PHAF1: variants seen among roughly 807,000 people sequenced by gnomAD.
The protein encoded by PHAF1 is phagosome assembly factor 1.
Under a neutral mutation model 63.1 loss-of-function variants are expected in PHAF1, and 23 were observed. The observed-to-expected ratio is 0.36, with a 90% CI of 0.26 to 0.52. The LOEUF (loss-of-function observed/expected upper bound fraction) is 0.52, where lower values mean the gene tolerates loss of function less well. Among genes scored for constraint, PHAF1 ranks in the 20% least tolerant of loss-of-function variants. The pLI, the probability that PHAF1 is intolerant of heterozygous loss-of-function variation, is 0.93. For synonymous variants in PHAF1, 167 were observed against 185.0 expected (o/e 0.90, Z 0.79); for missense variants, 427 against 517.2 (o/e 0.83, Z 1.69).
Position 67,140,520 on chromosome 16 carries a change from C to G in PHAF1, c.805C>G (p.His269Asp). 6.3e-7 allele frequency: 1 copy of G among 1,586,576 alleles called. No individual in the cohort carries two copies. Among genetic ancestry groups the G allele is most frequent in the African/African-American group, 1.3e-5 (1 of 74,434 alleles). ...FYKSEDKMKI[H>D]SPSPHKQVPS... ...TATTTTTTCCCTACAGATGAAAATT[C>G]ATTCTCCTTCCCCTCATAAACAAGT... The change falls in exon 10 of 16, where the codon CAT becomes GAT. Residue 269 changes from histidine (H) to aspartate (D), a missense_variant. Physicochemically the swap from His to Asp is moderately conservative, Grantham distance 81. Coordinates refer to ENST00000219139, the MANE Select transcript of PHAF1 (RefSeq NM_025187.5).
Position 67,146,649 on chromosome 16 carries a change from C to G in PHAF1, c.1182+299C>G, listed in dbSNP as rs560546132. On this transcript the variant is annotated intron_variant, in intron 15 of 15. Coordinates refer to ENST00000219139, the MANE Select transcript of PHAF1 (RefSeq NM_025187.5). ...ACATGATTATAGCAGGGAAGGGAACCACAGGGCAAGTGGGGCCCAGCAGAG... is the reference window on the plus strand; with the variant it reads ...ACATGATTATAGCAGGGAAGGGAACGACAGGGCAAGTGGGGCCCAGCAGAG... 2.0e-5 allele frequency among the ~76,000 whole-genome samples: 3 copies of G among 152,304 alleles called. No homozygotes were observed. In the South Asian group the frequency reaches 6.2e-4, roughly 32 times the overall value.
intron 1 of PHAF1, among the ~76,000 whole-genome samples, chr16:67,117,086 G>T (rs894895361): frequency 2.0e-5 from 3 of 151,614 alleles, no homozygotes; most frequent in Admixed American, 2.0e-4. Context: ...AAGTTGGAGC[G>T]CAGTGGCACG....
chr16:67,129,752 T>G (rs1963320358), intron 3 of PHAF1, among the ~76,000 whole-genome samples: 1 of 152,242 alleles, frequency 6.6e-6, no homozygotes, highest in South Asian at 2.1e-4. Context: ...ATGGAGGACT[T>G]CATAGTGCTT....
At chr16:67,139,247 T>C (rs1311096583) in intron 8 of PHAF1, among the ~76,000 whole-genome samples, 1 of 151,656 alleles carries the variant, frequency 6.6e-6, no homozygotes, top group East Asian at 1.9e-4. Context: ...ACATAAATCC[T>C]TGCATCTTAC....
chr16:67,125,394 G>T (rs965198700), intron 2 of PHAF1, among the ~76,000 whole-genome samples: 2 of 152,010 alleles, frequency 1.3e-5, no homozygotes, highest in African/African-American at 4.8e-5. Flanking sequence ...AGGATAAGAG[G>T]GTCATCTCAT....
At chr16:67,122,827 C>T (rs543369685) in intron 2 of PHAF1, among the ~76,000 whole-genome samples, 1 of 152,170 alleles carries the variant, frequency 6.6e-6, no homozygotes, top group Non-Finnish European at 1.5e-5. Context: ...CTCCCAGGCT[C>T]AACCGATTCT....
Position 67,134,243 on chromosome 16 carries a change from G to A in PHAF1, c.526G>A (p.Gly176Ser), listed in dbSNP as rs1963526473. 6.2e-7 allele frequency: 1 copy of A among 1,613,930 alleles called. No homozygotes were observed. Among genetic ancestry groups the A allele is most frequent in the Non-Finnish European group, 8.5e-7 (1 of 1,179,820 alleles). Residue 176 changes from glycine (G) to serine (S), a missense_variant, in exon 7 of 16, where the codon GGC (glycine) becomes AGC (serine). Physicochemically the swap from Gly to Ser is moderately conservative, Grantham distance 56. Coordinates refer to ENST00000219139, the MANE Select transcript of PHAF1 (RefSeq NM_025187.5). ...ATVKRMYIYS[G>S]NSLQDTKAPM... ...TGTAAAACGAATGTACATCTACAGT[G>A]GCAACAGCCTGCAGGATACCAAGTA...
chr16:67,127,249 T>G (rs867277599), intron 3 of PHAF1, among the ~76,000 whole-genome samples: 1 of 152,100 alleles, frequency 6.6e-6, no homozygotes, highest in African/African-American at 2.4e-5. Flanking sequence ...TGCCTCAAAG[T>G]CATGAGGTTG....
At chr16:67,117,310 A>G (rs150639787) in intron 1 of PHAF1, among the ~76,000 whole-genome samples, 3,473 of 148,170 alleles carry the variant, frequency 0.023, 50 homozygotes, top group Admixed American at 0.032. Flanking sequence ...CGGCCTCCCA[A>G]AGTGCTGGGA....
intron 13 of PHAF1, 44 bp downstream of exon 13, chr16:67,145,463 G>C: frequency 6.2e-7 from 1 of 1,613,636 alleles, no homozygotes; most frequent in East Asian, 2.2e-5. Flanking sequence ...AGAATGAGGT[G>C]GACATGAGCC....
chr16:67,124,734 T>C (rs186269018), intron 2 of PHAF1, among the ~76,000 whole-genome samples: 39 of 152,236 alleles, frequency 2.6e-4, no homozygotes, highest in African/African-American at 8.7e-4. Context: ...AAACCCCATC[T>C]GTACTAAAAA....
intron 1 of PHAF1, among the ~76,000 whole-genome samples, chr16:67,110,533 G>A (rs1164615726): frequency 1.3e-5 from 2 of 152,048 alleles, no homozygotes; most frequent in Non-Finnish European, 2.9e-5. Flanking sequence ...GCTCTTTTTG[G>A]ACGTAATTCT....
At chr16:67,138,197 ATG>A (rs1963678599) in intron 8 of PHAF1, among the ~76,000 whole-genome samples, 1 of 152,108 alleles carries the variant, frequency 6.6e-6, no homozygotes. Context: ...GCCTGAAGAA[ATG>A]TGTTAGGCCA....
At chr16:67,122,544 C>T (rs1963025046) in intron 2 of PHAF1, among the ~76,000 whole-genome samples, 1 of 145,938 alleles carries the variant, frequency 6.9e-6, no homozygotes. Context: ...GCACTTCAGC[C>T]TAGGTGACAG....
At chr16:67,121,662 C>A (rs1962982849) in intron 2 of PHAF1, among the ~76,000 whole-genome samples, 1 of 149,512 alleles carries the variant, frequency 6.7e-6, no homozygotes, top group African/African-American at 2.5e-5. Flanking sequence ...CTCACCTCAA[C>A]CTGCGCCTCC....
intron 10 of PHAF1, among the ~76,000 whole-genome samples, chr16:67,141,729 G>A (rs118065067): frequency 0.025 from 3,824 of 152,300 alleles, 58 homozygotes; most frequent in Admixed American, 0.033. Flanking sequence ...TACCGCAAGC[G>A]GCTTCCATTG....
chr16:67,146,627 T>C (rs2030107698), intron 15 of PHAF1, among the ~76,000 whole-genome samples: 1 of 152,104 alleles, frequency 6.6e-6, no homozygotes, highest in Admixed American at 6.5e-5. Context: ...TCTGACAACA[T>C]GATTATAGCA....
intron 2 of PHAF1, among the ~76,000 whole-genome samples, chr16:67,121,739 C>G (rs185417671): frequency 1.3e-5 from 2 of 151,900 alleles, no homozygotes; most frequent in Non-Finnish European, 2.9e-5. Flanking sequence ...TACCACCACT[C>G]CCAGCTAATT....
At chr16:67,112,204 T>C (rs998946163) in intron 1 of PHAF1, among the ~76,000 whole-genome samples, 2 of 151,590 alleles carry the variant, frequency 1.3e-5, no homozygotes, top group Non-Finnish European at 2.9e-5. Flanking sequence ...TGTGACTAGG[T>C]TGTGGATCTC....
Sources: allele counts gnomAD v4.1 joint callset (sites outside exome capture counted in the v4.1 genomes callset), GRCh38; gene constraint gnomAD v4.1.1; transcripts MANE v1.5; gene names NCBI Gene and HGNC (gene_info 2026-07-23, HGNC 2026-07-21).